Variants in CTC1 observed in about 807,000 individuals in gnomAD.
CTC1 encodes the protein CST telomere replication complex component 1.
CTC1 carries 91 observed loss-of-function variants against 136.3 expected under a neutral mutation model. The observed-to-expected ratio is 0.67, with a 90% CI of 0.56 to 0.79. The LOEUF (loss-of-function observed/expected upper bound fraction) is 0.79, where lower values mean the gene tolerates loss of function less well. CTC1 is among the 30% of genes least tolerant of loss of function. The probability of loss-of-function intolerance (pLI) is 0.00; values close to 1 mark genes in which losing one functional copy is unlikely to be tolerated. For missense variants in CTC1, 1,432 were observed against 1,498.1 expected, an observed-to-expected ratio of 0.96 and a Z score of 0.73; for synonymous variants, 606 against 613.8, an observed-to-expected ratio of 0.99 and a Z score of 0.19.
rs1987558582 is a variant in CTC1 at position 8,234,809 on chromosome 17, G to A, written c.1557C>T (p.Ser519=). 1.9e-6 allele frequency: 3 copies of A among 1,612,880 alleles called. No individual in the cohort carries two copies. The highest frequency in any genetic ancestry group is 1.7e-4 in the Middle Eastern group (1 of 6,058). The change falls in exon 9 of 23, where the codon AGC becomes AGT. Residue 519 remains serine, a synonymous_variant. Coordinates refer to ENST00000651323, the MANE Select transcript of CTC1 (RefSeq NM_025099.6). ...TCTCATTGTGTGCATTCCGAACAGG[G>A]CTGCCTGGCGGAGCTAGAAGATCCA... The part of the protein sequence containing the change: ...PTLDLLAPPG[S]PVRNAHNEIL...
chr17:8,242,847 C>T, intron 2 of CTC1, 138 bp downstream of exon 2: 1 of 601,296 alleles, frequency 1.7e-6, no homozygotes, highest in Non-Finnish European at 2.6e-6. Flanking sequence ...AAAAGCTCTG[C>T]AGAAGGGGTA....
At chr17:8,228,472 A>G (rs373723138) in intron 22 of CTC1, 31 bp downstream of exon 22, 33 of 1,613,588 alleles carry the variant, frequency 2.0e-5, no homozygotes, top group Middle Eastern at 1.6e-4. Flanking sequence ...TGATCCCCCT[A>G]TCATCATGAT....
intron 17 of CTC1, 95 bp downstream of exon 17, chr17:8,230,199 G>C: frequency 7.8e-7 from 1 of 1,289,654 alleles, no homozygotes; most frequent in South Asian, 1.4e-5. Context: ...CTGTATGAAA[G>C]AGAAGGGGTC....
chr17:8,235,720 C>T (rs1987655668), intron 7 of CTC1, 111 bp downstream of exon 7: 18 of 1,245,844 alleles, frequency 1.4e-5, no homozygotes, highest in South Asian at 1.3e-4. Flanking sequence ...CCCTAACACA[C>T]ACTTTTAATT....
rs1052077940 is a variant in CTC1 at position 8,231,888 on chromosome 17, G to A, written c.2385+15C>T. On this transcript the variant is annotated intron_variant, in intron 13 of 22. Coordinates refer to ENST00000651323, the MANE Select transcript of CTC1 (RefSeq NM_025099.6). ...GGCGCAGGTCAGGTCCTGGGTCCCT[G>A]GAGTCCCAGTTTACCTTCTGATCAT... The A allele has an allele frequency of 3.1e-6, 5 of 1,613,360 alleles. No homozygotes were observed. In the African/African-American group the frequency reaches 4.0e-5, roughly 13 times the overall value.
Position 8,229,430 on chromosome 17 carries a change from T to C in CTC1, c.3028A>G (p.Ile1010Val), listed in dbSNP as rs779024546. 12 of 1,613,560 alleles carry C rather than the reference T, an allele frequency of 7.4e-6. No homozygotes were observed. Among genetic ancestry groups the C allele is most frequent in the Non-Finnish European group, 9.3e-6 (11 of 1,179,528 alleles). The part of the protein sequence containing the change: ...ETTISIPLPH[I>V]YLAELLQGGQ... ...CCCTGCAGAAGTTCAGCCAGGTAGA[T>C]GTGGGGCAGGGGAATGCTAAATAAA... The change falls in exon 19 of 23, where the codon ATC becomes GTC. Residue 1010 changes from isoleucine to valine, a missense_variant. By Grantham distance (29) the Ile-to-Val change is conservative. Transcript: ENST00000651323.
chr17:8,229,846 A>G lies in CTC1; in HGVS notation c.3011+45T>C, dbSNP rs377048696. 49 of 1,486,278 alleles carry G rather than the reference A, an allele frequency of 3.3e-5. No homozygotes were observed. The African/African-American group carries it at 6.2e-4, about 19-fold the overall frequency. 92.1% of individuals were successfully genotyped at this position (1,486,278 alleles called of 1,614,324 possible). ...AGAACCAGGGACATGTGGGAGATGC[A>G]GATGTGAAGCCAGGAAGTTTAGGGG... On this transcript the variant is annotated intron_variant, in intron 18 of 22. Transcript: ENST00000651323.
At chr17:8,229,573 G>T in intron 18 of CTC1, 127 bp from the exon 19 acceptor site, 1 of 747,150 alleles carries the variant, frequency 1.3e-6, no homozygotes, top group Non-Finnish European at 2.2e-6. Context: ...GGTTCCATGC[G>T]CTCCTAGAAG....
rs532695142 is a variant in CTC1 at position 8,238,406 on chromosome 17, C to T, written c.421G>A (p.Val141Ile). The T allele has an allele frequency of 6.8e-6, 11 of 1,613,834 alleles. No individual in the cohort carries two copies. In the African/African-American group the frequency reaches 8.0e-5, roughly 12 times the overall value. ...CTTCCACTCACCTCACAGCTCAGGACGCCAGTGTTATCTCTCACATAGAGG... is the reference window on the plus strand; with the variant it reads ...CTTCCACTCACCTCACAGCTCAGGATGCCAGTGTTATCTCTCACATAGAGG... ...GSLYVRDNTG[V>I]LSCELIDLDL... The change falls in exon 3 of 23, where the codon GTC becomes ATC. Residue 141 changes from valine (V) to isoleucine (I), a missense_variant. Physicochemically the swap from Val to Ile is conservative, Grantham distance 29. Coordinates refer to ENST00000651323, the MANE Select transcript of CTC1 (RefSeq NM_025099.6).
Position 8,235,963 on chromosome 17 carries a change from C to T in CTC1, c.1078-4G>A, listed in dbSNP as rs375114652. The T allele has an allele frequency of 1.2e-6, 2 of 1,603,510 alleles. No homozygotes were observed. Among genetic ancestry groups the T allele is most frequent in the African/African-American group, 1.3e-5 (1 of 74,754 alleles). ...TCAACACGCCAGTGACTGCTCCCTG[C>T]AAACAGGCCGAGGTCCAGTTGACCA... On this transcript the variant is annotated splice_polypyrimidine_tract_variant and splice_region_variant and intron_variant, in intron 6 of 22. Transcript: ENST00000651323.
At chr17:8,241,849 C>CAAAAAAAAAAA (rs59476896) in intron 2 of CTC1, among the ~76,000 whole-genome samples, 1 of 96,352 alleles carries the variant, frequency 1.0e-5, no homozygotes. Flanking sequence ...GACCCTGTCT[C>CAAAAAAAAAAA]AAAAAAAAAA....
At chr17:8,244,618 C>T (rs184519602) in intron 1 of CTC1, among the ~76,000 whole-genome samples, 9 of 152,040 alleles carry the variant, frequency 5.9e-5, no homozygotes, top group Non-Finnish European at 1.0e-4. Flanking sequence ...CTCCGCCTTC[C>T]GGGTTCAAGT....
chr17:8,228,859 C>G lies in CTC1; in HGVS notation c.3255G>C (p.Val1085=). 1 of 1,613,860 alleles carries G rather than the reference C, an allele frequency of 6.2e-7. No homozygotes were observed. Among genetic ancestry groups the G allele is most frequent in the Non-Finnish European group, 8.5e-7 (1 of 1,179,898 alleles). ...CCACATGGTGATTCCTACAGGTCAC[C>G]ACGGCTTCGGCAGTCCCATCCTCCA... The part of the protein sequence containing the change: ...LLVEDGTAEA[V]VTCRNHHVAA... The change falls in exon 21 of 23, where the codon GTG becomes GTC. Residue 1085 remains valine (V), a synonymous_variant. Transcript: ENST00000651323.
chr17:8,232,339 A>G (rs1022597020), intron 12 of CTC1, 22 bp downstream of exon 12: 1 of 1,608,502 alleles, frequency 6.2e-7, no homozygotes, highest in African/African-American at 1.3e-5. Context: ...ACTCAAGACA[A>G]CCATGACCCC....
Position 8,235,105 on chromosome 17 carries a change from C to A in CTC1, c.1387G>T (p.Gly463Ter). The change falls in exon 8 of 23, where the codon GGA becomes TGA. Residue 463 changes from glycine (G) to a stop codon, truncating the protein, a stop_gained. Coordinates refer to ENST00000651323, the MANE Select transcript of CTC1 (RefSeq NM_025099.6). LOFTEE classifies it high-confidence loss of function. ...YEQLVWERQLGLPLYLWATKA... is the reference protein window; with the variant it reads ...YEQLVWERQL ...GTAGCCCACAGGTAGAGGGGAAGTC[C>A]TAACTGACGTTCCCACACCAGCTGC... The A allele has an allele frequency of 6.2e-7, 1 of 1,614,168 alleles. No individual in the cohort carries two copies. The highest frequency in any genetic ancestry group is 8.5e-7 in the Non-Finnish European group (1 of 1,180,012).
Position 8,232,129 on chromosome 17 carries a change from G to A in CTC1, c.2159C>T (p.Thr720Ile), listed in dbSNP as rs762006782. The A allele has an allele frequency of 3.9e-6, 6 of 1,529,572 alleles. No homozygotes were observed. In the South Asian group the frequency reaches 6.6e-5, roughly 17 times the overall value. The allele number at this position is 1,529,572 out of a possible 1,614,324, so 94.8% of individuals were successfully genotyped here. A position where few individuals can be genotyped will look rare whatever the true frequency, so the allele number is the denominator to read the frequency against. ...ATPSTPQTDP[T>I]GPEGPHLGQS... is the part of the protein sequence containing the mutation. ...TCCTAGGTGGGGTCCCTCTGGGCCG[G>A]TGGGATCTGTCTGAGGTGTTGAGGG... The change falls in exon 13 of 23, where the codon ACC becomes ATC. Residue 720 changes from threonine (T) to isoleucine (I), a missense_variant. Coordinates refer to ENST00000651323, the MANE Select transcript of CTC1 (RefSeq NM_025099.6).
At chr17:8,233,875 T>C (rs912261317) in intron 10 of CTC1, among the ~76,000 whole-genome samples, 26 of 152,168 alleles carry the variant, frequency 1.7e-4, no homozygotes, top group African/African-American at 5.3e-4. Context: ...AGGTCGAGAC[T>C]GCAATGAGCC....
chr17:8,229,735 G>T (rs962656749), intron 18 of CTC1, among the ~76,000 whole-genome samples, 156 bp downstream of exon 18: 1 of 152,178 alleles, frequency 6.6e-6, no homozygotes, highest in African/African-American at 2.4e-5. Context: ...TAGACACAGA[G>T]CATTTTTTAT....
chr17:8,234,122 T>A (rs1439294173), intron 10 of CTC1, among the ~76,000 whole-genome samples: 1 of 152,140 alleles, frequency 6.6e-6, no homozygotes, highest in South Asian at 2.1e-4. Flanking sequence ...GCTGGGACCA[T>A]AGGCACATGC....
Sources: gnomAD v4.1 joint callset for allele counts (sites outside exome capture counted in the v4.1 genomes callset) on GRCh38, gnomAD v4.1.1 for gene constraint, MANE v1.5 for transcripts, NCBI Gene and HGNC (gene_info 2026-07-23, HGNC 2026-07-21) for gene names.